WDPCP: variants seen among roughly 807,000 people sequenced by gnomAD.
WDPCP encodes WD repeat containing planar cell polarity effector.
A neutral mutation model predicts 93.1 loss-of-function variants in WDPCP; 71 were observed. The ratio of observed to expected loss-of-function variants is 0.76; its 90% confidence interval spans 0.63 to 0.93. The LOEUF is 0.93. Among genes scored for constraint, WDPCP ranks in the 40% least tolerant of loss-of-function variants. The pLI is 0.00. For missense variants in WDPCP, 844 were observed against 887.4 expected, an observed-to-expected ratio of 0.95 and a Z score of 0.62; for synonymous variants, 315 against 315.0, an observed-to-expected ratio of 1.00 and a Z score of 0.00.
chr2:63,775,614 C>T (rs565689778), intron 2 of WDPCP, among the ~76,000 whole-genome samples: 3 of 152,162 alleles, frequency 2.0e-5, no homozygotes, highest in South Asian at 2.1e-4. Context: ...AGTCCCACTT[C>T]GCTTTTATTT....
At chr2:63,579,549 G>A (rs1025521773) in intron 1 of WDPCP, among the ~76,000 whole-genome samples, 15 of 152,172 alleles carry the variant, frequency 9.9e-5, no homozygotes, top group African/African-American at 3.1e-4. Flanking sequence ...GGCAGAGGTT[G>A]TGGTGAGTCA....
intron 2 of WDPCP, among the ~76,000 whole-genome samples, chr2:63,660,238 G>A (rs1448305696): frequency 6.6e-6 from 1 of 151,796 alleles, no homozygotes; most frequent in African/African-American, 2.4e-5. Flanking sequence ...TTCTAAGTTG[G>A]GACTCAAGGT....
At chr2:63,677,150 A>G (rs550050115) in intron 2 of WDPCP, among the ~76,000 whole-genome samples, 1 of 152,332 alleles carries the variant, frequency 6.6e-6, no homozygotes. Context: ...ACCAGTATTG[A>G]GAACCACTGA....
At chr2:63,809,704 T>C (rs1490264866) in intron 2 of WDPCP, among the ~76,000 whole-genome samples, 1 of 151,932 alleles carries the variant, frequency 6.6e-6, no homozygotes, top group Admixed American at 6.6e-5. Flanking sequence ...AAACAGATGC[T>C]TGAAGGCAGC....
At chr2:63,593,449 A>G (rs1163339898), upstream of WDPCP, 1 of 413,734 alleles carries the variant, frequency 2.4e-6, no homozygotes, top group African/African-American at 2.1e-5. Flanking sequence ...GTGAGTACCA[A>G]ATTGCTGAGT....
chr2:63,588,178 C>T lies in WDPCP; in HGVS notation c.75+19G>A, dbSNP rs766289239. 10 of 1,556,924 alleles carry T rather than the reference C, an allele frequency of 6.4e-6. No individual in the cohort carries two copies. In the South Asian group the frequency reaches 9.5e-5, roughly 15 times the overall value. Reference sequence around the variant, plus strand: ...CCTAAGGTTAAAAGAAAACCCCTTGCCCTCGGGCCAGGGCTCACCTGTCTC... The same window carrying T: ...CCTAAGGTTAAAAGAAAACCCCTTGTCCTCGGGCCAGGGCTCACCTGTCTC... On this transcript the variant is annotated intron_variant, in intron 1 of 17. Coordinates refer to ENST00000272321, the MANE Select transcript of WDPCP (RefSeq NM_015910.7).
At chr2:63,384,365 G>C (rs903739183) in intron 10 of WDPCP, among the ~76,000 whole-genome samples, 1 of 151,952 alleles carries the variant, frequency 6.6e-6, no homozygotes, top group Non-Finnish European at 1.5e-5. Flanking sequence ...GTTTTTATAT[G>C]AACAAATATA....
intron 1 of WDPCP, among the ~76,000 whole-genome samples, chr2:63,575,547 A>ATATACAGTGTATGCACT (rs1558833788): frequency 3.6e-5 from 5 of 140,236 alleles, no homozygotes; most frequent in Admixed American, 7.0e-5. Context: ...CTGTATATAT[A>ATATACAGTGTATGCACT]GTATATACAG....
At position 63,299,909 on chromosome 2, in the gene WDPCP, A is replaced by C. The variant is rs547246681; in HGVS notation, c.1812+13339T>G. ...GCTTGCATGGATGAATGCCGGCAGG[A>C]ACTAAGGACTGGACATTTTTAAGAT... On this transcript the variant is annotated intron_variant, in intron 13 of 17. Coordinates refer to ENST00000272321, the MANE Select transcript of WDPCP (RefSeq NM_015910.7). Among the ~76,000 whole-genome samples, 3 of 152,214 alleles carry C rather than the reference A, an allele frequency of 2.0e-5. No individual in the cohort carries two copies. In the South Asian group the frequency reaches 6.2e-4, roughly 32 times the overall value.
At chr2:63,207,397 T>TGTAA (rs1676423274) in intron 14 of WDPCP, among the ~76,000 whole-genome samples, 2 of 152,222 alleles carry the variant, frequency 1.3e-5, no homozygotes, top group East Asian at 1.9e-4. Flanking sequence ...CCACCCTGAT[T>TGTAA]GTAAGTTTCC....
At chr2:63,408,440 T>C (rs1332038626) in intron 9 of WDPCP, among the ~76,000 whole-genome samples, 1 of 152,130 alleles carries the variant, frequency 6.6e-6, no homozygotes, top group African/African-American at 2.4e-5. Context: ...GAGCTCACTA[T>C]GTCCCCAAGC....
chr2:63,555,443 G>A (rs1228552126), intron 1 of WDPCP, among the ~76,000 whole-genome samples: 1 of 152,224 alleles, frequency 6.6e-6, no homozygotes, highest in Non-Finnish European at 1.5e-5. Context: ...GGCGGTCCAG[G>A]CCAGTGGGAT....
At chr2:63,503,853 GTTA>G (rs1256179464) in intron 1 of WDPCP, among the ~76,000 whole-genome samples, 2 of 150,926 alleles carry the variant, frequency 1.3e-5, no homozygotes, top group East Asian at 3.9e-4. Flanking sequence ...TCAATTCAGG[GTTA>G]TTGTTTTGAA....
chr2:63,206,540 C>T (rs774800169), intron 14 of WDPCP, among the ~76,000 whole-genome samples: 19 of 151,982 alleles, frequency 1.3e-4, no homozygotes, highest in Non-Finnish European at 2.4e-4. Context: ...GCAGCCTTGA[C>T]CTCCTGGACT....
intron 12 of WDPCP, among the ~76,000 whole-genome samples, chr2:63,328,203 C>T (rs114557028): frequency 0.083 from 2,378 of 28,720 alleles, 59 homozygotes; most frequent in African/African-American, 0.34. Context: ...AAAACGGACC[C>T]GTCAGCTCTC....
chr2:63,181,499 C>A (rs1559180075), intron 14 of WDPCP, among the ~76,000 whole-genome samples: 1 of 151,936 alleles, frequency 6.6e-6, no homozygotes, highest in East Asian at 1.9e-4. Context: ...GATCAGTTGT[C>A]TGTAGGTATA....
chr2:63,295,092 T>C (rs1684744235), intron 13 of WDPCP, among the ~76,000 whole-genome samples: 3 of 152,236 alleles, frequency 2.0e-5, no homozygotes, highest in Non-Finnish European at 2.9e-5. Context: ...ATTATAGCCT[T>C]ATAACTTTAG....
intron 1 of WDPCP, among the ~76,000 whole-genome samples, chr2:63,498,883 C>G (rs1300806252): frequency 3.3e-5 from 5 of 152,162 alleles, no homozygotes; most frequent in Non-Finnish European, 7.4e-5. Flanking sequence ...GGTATATGAG[C>G]AGAAGACTGC....
intron 3 of WDPCP, among the ~76,000 whole-genome samples, chr2:63,647,287 G>A (rs559989932): frequency 1.3e-5 from 2 of 152,056 alleles, no homozygotes; most frequent in South Asian, 4.1e-4. Flanking sequence ...ACAGGTGCCC[G>A]CCACCACGCC....
Sources: gnomAD v4.1 joint callset for allele counts (sites outside exome capture counted in the v4.1 genomes callset) on GRCh38, gnomAD v4.1.1 for gene constraint, MANE v1.5 for transcripts, NCBI Gene and HGNC (gene_info 2026-07-23, HGNC 2026-07-21) for gene names.